The following UNC79 variants were observed in gnomAD, a reference collection of about 807,000 sequenced individuals.
UNC79 encodes protein unc-79 homolog.
Under a neutral mutation model 283.1 loss-of-function variants are expected in UNC79, and 37 were observed. The ratio of observed to expected loss-of-function variants is 0.13; its 90% CI spans 0.10 to 0.17. The LOEUF (loss-of-function observed/expected upper bound fraction) is 0.17, where lower values mean the gene tolerates loss of function less well. Ranked by LOEUF, UNC79 falls within the 10% of genes least tolerant of loss-of-function variation. UNC79 has a pLI of 1.00. For synonymous variants in UNC79, 1,107 were observed against 1,200.2 expected (o/e 0.92, Z 1.61); for missense variants, 2,272 against 3,211.1 (o/e 0.71, Z 7.07).
intron 44 of UNC79, chr14:93,689,826 G>A (rs11160135): frequency 0.69 from 230,918 of 334,338 alleles, 83,007 homozygotes; most frequent in African/African-American, 0.89. Context: ...GAGTGGAAAG[G>A]GTTTAGAAAG....
chr14:93,409,867 A>C (rs1298833440), intron 1 of UNC79, among the ~76,000 whole-genome samples: 2 of 152,240 alleles, frequency 1.3e-5, no homozygotes, highest in Non-Finnish European at 1.5e-5. Context: ...TGATAAATTG[A>C]TTCTAAAATT....
chr14:93,378,799 A>G lies in UNC79; in HGVS notation c.-351+45276A>G, dbSNP rs77017594. On this transcript the variant is annotated intron_variant, in intron 1 of 49. Transcript: ENST00000256339. Reference sequence around the variant, plus strand: ...TTACAGAAGCTCAACCTGTAGTAGCATATGCTACTTATGAAATCAAAGTGG... The same window carrying G: ...TTACAGAAGCTCAACCTGTAGTAGCGTATGCTACTTATGAAATCAAAGTGG... Among the ~76,000 whole-genome samples the G allele has an allele frequency of 1.8e-4, 28 of 152,338 alleles. No homozygotes were observed. The East Asian group carries it at 5.4e-3, about 29-fold the overall frequency.
rs1282875738 is a variant in UNC79 at position 93,430,788 on chromosome 14, C to T, written c.-242C>T. On this transcript the variant is annotated 5_prime_UTR_variant, in exon 1 of 49. Transcript: ENST00000555664. The surrounding 1 kb of genome is among the most constrained non-coding windows in gnomAD (Gnocchi z 4.6). ...CTCCAGGAGGGGACGGACAGGAAGC[C>T]TTTGGCCGCCTATTAAATCCCACCC... 1 of 473,830 alleles carries T rather than the reference C, an allele frequency of 2.1e-6. No homozygotes were observed. The highest frequency in any genetic ancestry group is 3.9e-6 in the Non-Finnish European group (1 of 258,128). 29.4% of individuals were successfully genotyped at this position (473,830 alleles called of 1,614,324 possible).
At chr14:93,472,741 A>G (rs1349899188) in intron 2 of UNC79, among the ~76,000 whole-genome samples, 2 of 152,108 alleles carry the variant, frequency 1.3e-5, no homozygotes, top group African/African-American at 4.8e-5. Context: ...ATCACTGTAA[A>G]ATTGTAAATG....
chr14:93,357,734 T>G lies in UNC79; in HGVS notation c.-351+24211T>G, dbSNP rs186187703. Among the ~76,000 whole-genome samples, 642 of 116,282 alleles carry G rather than the reference T, an allele frequency of 5.5e-3. 23 individuals carry two copies. In the East Asian group the frequency reaches 0.1, roughly 19 times the overall value. 76.3% of individuals were successfully genotyped at this position (116,282 alleles called of 152,430 possible). A position where few individuals can be genotyped will look rare whatever the true frequency, so the allele number is the denominator to read the frequency against. ...ATATATATATATGGATATATGGATG[T>G]ATATATATATATGGATATATGGATA... is the stretch of plus-strand genomic sequence containing the variant. On this transcript the variant is annotated intron_variant, in intron 1 of 49. Coordinates refer to the UNC79 transcript ENST00000256339.
chr14:93,585,350 G>T (rs1432856093), intron 20 of UNC79, among the ~76,000 whole-genome samples: 1 of 152,196 alleles, frequency 6.6e-6, no homozygotes, highest in East Asian at 1.9e-4. Flanking sequence ...ATTCAGGGGT[G>T]CTCTGTCGAC....
At chr14:93,693,995 CAA>C (rs2074906746) in intron 46 of UNC79, among the ~76,000 whole-genome samples, 1 of 152,144 alleles carries the variant, frequency 6.6e-6, no homozygotes, top group Admixed American at 6.5e-5. Context: ...CTCTTACACC[CAA>C]AGAGTTCCGT....
intron 1 of UNC79, among the ~76,000 whole-genome samples, chr14:93,346,679 G>A (rs2053838648): frequency 6.6e-6 from 1 of 152,184 alleles, no homozygotes; most frequent in Admixed American, 6.5e-5. Context: ...GAAACAGTGT[G>A]CTATAAACTC....
chr14:93,545,823 C>T (rs1238291076), intron 14 of UNC79, among the ~76,000 whole-genome samples: 9 of 152,152 alleles, frequency 5.9e-5, no homozygotes, highest in African/African-American at 1.7e-4. Flanking sequence ...CCGTGCCACA[C>T]GAGAGACTGA....
chr14:93,347,315 G>C, intron 1 of UNC79: 1 of 1,604,964 alleles, frequency 6.2e-7, no homozygotes, highest in Non-Finnish European at 8.5e-7. Context: ...CACTACCGCC[G>C]CTTGGCCCTG....
At chr14:93,560,751 A>G (rs1331454443) in intron 14 of UNC79, among the ~76,000 whole-genome samples, 2 of 152,070 alleles carry the variant, frequency 1.3e-5, no homozygotes, top group Non-Finnish European at 2.9e-5. Context: ...GGAAGAAGAG[A>G]GCTTGTGCCA....
intron 1 of UNC79, among the ~76,000 whole-genome samples, chr14:93,380,423 C>T (rs1199770301): frequency 6.6e-6 from 1 of 152,168 alleles, no homozygotes; most frequent in Non-Finnish European, 1.5e-5. Flanking sequence ...ACTCCCCTCC[C>T]ACATCCTACA....
At position 93,467,655 on chromosome 14, in the gene UNC79, T is replaced by TA; in HGVS notation, c.23-16_23-15insA. The TA allele has an allele frequency of 8.6e-7, 1 of 1,157,456 alleles. No individual in the cohort carries two copies. Among genetic ancestry groups the TA allele is most frequent in the Non-Finnish European group, 1.1e-6 (1 of 943,400 alleles). The allele number at this position is 1,157,456 out of a possible 1,614,324, so 71.7% of individuals were successfully genotyped here. ...TTTTTTTTTTTTTTTTTTTTTTTTT[T>TA]TTTGCTTTTATCTAGTTGCTTCCAA... On this transcript the variant is annotated splice_polypyrimidine_tract_variant and intron_variant, in intron 1 of 48. Transcript: ENST00000555664.
intron 31 of UNC79, among the ~76,000 whole-genome samples, chr14:93,633,149 A>G: frequency 6.6e-6 from 1 of 152,186 alleles, no homozygotes; most frequent in East Asian, 1.9e-4. Context: ...AATTTTACTT[A>G]AAGATGTGCT....
chr14:93,452,488 A>G (rs1189725431), intron 1 of UNC79, among the ~76,000 whole-genome samples: 1 of 150,700 alleles, frequency 6.6e-6, no homozygotes, highest in Non-Finnish European at 1.5e-5. Flanking sequence ...TCCCAGGTTC[A>G]AGCGATTCTC....
rs140666949 is a variant in UNC79, at chr14:93,479,172, T to TTTCCTTCCTTCCTTCC, written c.619+1487_619+1502dup. Among the ~76,000 whole-genome samples, 620 of 120,626 alleles carry TTTCCTTCCTTCCTTCC rather than the reference T, an allele frequency of 5.1e-3. 6 individuals carry two copies. The highest frequency in any genetic ancestry group is 0.012 in the Middle Eastern group (3 of 252). The allele number at this position is 120,626 out of a possible 152,430, so 79.1% of individuals were successfully genotyped here. Reference sequence around the variant, plus strand: ...TTTTGAAGCATAACAGATGAGGCTGTTTCCTTCCTTCCTTCCTTCCTTCCT... The same window carrying TTTCCTTCCTTCCTTCC: ...TTTTGAAGCATAACAGATGAGGCTGTTTCCTTCCTTCCTTCCTTCCTTCCTTCCTTCCTTCCTTCCT... On this transcript the variant is annotated intron_variant, in intron 4 of 48. Coordinates refer to ENST00000555664, the Ensembl canonical transcript of UNC79.
At chr14:93,634,406 C>T (rs557989419) in intron 31 of UNC79, 115 bp from the exon 34 acceptor site, 2 of 781,614 alleles carry the variant, frequency 2.6e-6, no homozygotes, top group South Asian at 1.8e-5. Flanking sequence ...ATACAATTTA[C>T]CAAAAATTAT....
At chr14:93,592,996 A>G (rs929954813) in intron 22 of UNC79, among the ~76,000 whole-genome samples, 1 of 152,180 alleles carries the variant, frequency 6.6e-6, no homozygotes, top group Non-Finnish European at 1.5e-5. Flanking sequence ...AAGGAGGGTC[A>G]TTGGCAGTTG....
chr14:93,400,529 A>T (rs2055087573), intron 1 of UNC79, among the ~76,000 whole-genome samples: 1 of 152,206 alleles, frequency 6.6e-6, no homozygotes, highest in Non-Finnish European at 1.5e-5. Flanking sequence ...AATTAATTAG[A>T]GAAGAATTCA....
Sources: allele counts gnomAD v4.1 joint callset (sites outside exome capture counted in the v4.1 genomes callset), GRCh38; gene constraint gnomAD v4.1.1; non-coding constraint Gnocchi (gnomAD v3.1); transcripts MANE v1.5; gene names NCBI Gene and HGNC (gene_info 2026-07-23, HGNC 2026-07-21).